The following SRA1 variants were observed in gnomAD, a reference collection of about 807,000 sequenced individuals.
SRA1 encodes lncRNA SRA.
Under a neutral mutation model 24.3 loss-of-function variants are expected in SRA1, and 25 were observed. The ratio of observed to expected loss-of-function variants is 1.03; its 90% confidence interval spans 0.75 to 1.43. The LOEUF is 1.43. Among genes scored for constraint, SRA1 ranks in the 40% most tolerant of loss-of-function variants. The pLI is 0.00. For synonymous variants in SRA1, 104 were observed against 109.5 expected, an observed-to-expected ratio of 0.95 and a Z score of 0.31; for missense variants, 303 against 286.6, an observed-to-expected ratio of 1.06 and a Z score of -0.41.
At chr5:140,553,263 C>G (rs188319082) in intron 2 of SRA1, among the ~76,000 whole-genome samples, 103 of 151,560 alleles carry the variant, frequency 6.8e-4, no homozygotes, top group Non-Finnish European at 1.0e-4. Flanking sequence ...ATCGCTTGAG[C>G]CCAGGAGTTT....
upstream of SRA1, chr5:140,557,556 T>G: frequency 7.3e-7 from 1 of 1,375,578 alleles, no homozygotes; most frequent in Non-Finnish European, 9.8e-7. Context: ...CCGGAATCCG[T>G]GGAGGATGGA....
chr5:140,552,207 A>C, intron 2 of SRA1, 23 bp from the exon 3 acceptor site: 1 of 1,529,692 alleles, frequency 6.5e-7, no homozygotes, highest in African/African-American at 1.4e-5. Context: ...AGCAGGATCA[A>C]GCAACATGGC....
At position 140,550,856 on chromosome 5, in the gene SRA1, A is replaced by C; in HGVS notation, c.519T>G (p.Val173=). Residue 173 remains valine (V), a synonymous_variant, in exon 5 of 5, where the codon GTT becomes GTG. Coordinates refer to ENST00000336283, the MANE Select transcript of SRA1 (RefSeq NM_001035235.4). ...ACTGACTGACCTCAGTCACATGGTCAACCATGAGGGAGCGGTGGATGTCAT... is the reference window on the plus strand; with the variant it reads ...ACTGACTGACCTCAGTCACATGGTCCACCATGAGGGAGCGGTGGATGTCAT... ...AADDIHRSLM[V]DHVTEVSQWM... 1 of 1,614,156 alleles carries C rather than the reference A, an allele frequency of 6.2e-7. No individual in the cohort carries two copies. The highest frequency in any genetic ancestry group is 8.5e-7 in the Non-Finnish European group (1 of 1,180,014).
intron 2 of SRA1, among the ~76,000 whole-genome samples, chr5:140,552,928 A>G (rs935728251): frequency 2.6e-5 from 4 of 152,116 alleles, no homozygotes; most frequent in African/African-American, 4.8e-5. Context: ...AGAGGCAGGG[A>G]AAAAAACACA....
chr5:140,550,552 G>T lies in SRA1; in HGVS notation c.*148C>A, dbSNP rs1361317557. ...GAAATGCATGTTATGAGTAACACAT[G>T]AACTCCCTCTGGCCCAGGTGGGACT... On this transcript the variant is annotated 3_prime_UTR_variant, in exon 5 of 5. Transcript: ENST00000336283. 1 of 711,642 alleles carries T rather than the reference G, an allele frequency of 1.4e-6. No homozygotes were observed. The highest frequency in any genetic ancestry group is 2.5e-6 in the Non-Finnish European group (1 of 402,598). The allele number at this position is 711,642 out of a possible 1,614,324, so 44.1% of individuals were successfully genotyped here.
intron 2 of SRA1, among the ~76,000 whole-genome samples, chr5:140,552,603 A>T (rs1015728646): frequency 1.3e-5 from 2 of 151,652 alleles, no homozygotes; most frequent in Non-Finnish European, 2.9e-5. Context: ...TGGTGAGCTG[A>T]GATGGTGCCA....
intron 2 of SRA1, among the ~76,000 whole-genome samples, chr5:140,556,515 T>C (rs1754700631): frequency 1.3e-5 from 2 of 152,216 alleles, no homozygotes; most frequent in African/African-American, 4.8e-5. Flanking sequence ...GGAATGCTTT[T>C]GTACATGATC....
intron 3 of SRA1, 135 bp from the exon 4 acceptor site, chr5:140,551,304 T>TAG (rs1754555160): frequency 1.6e-6 from 1 of 633,858 alleles, no homozygotes; most frequent in African/African-American, 1.8e-5. Flanking sequence ...ACCCAAAGAT[T>TAG]AGAGGCCCCA....
chr5:140,555,471 G>C (rs2127120647), intron 2 of SRA1, among the ~76,000 whole-genome samples: 1 of 152,102 alleles, frequency 6.6e-6, no homozygotes, highest in Middle Eastern at 3.4e-3. Context: ...GATCTCAGGT[G>C]ATCTGCCCAC....
chr5:140,557,709 G>A (rs1370988870), upstream of SRA1: 2 of 565,268 alleles, frequency 3.5e-6, no homozygotes, highest in Non-Finnish European at 6.2e-6. Context: ...GCTCTAGGAG[G>A]CCTCATCCTC....
chr5:140,557,049 G>A, intron 2 of SRA1, 98 bp downstream of exon 2: 1 of 1,162,418 alleles, frequency 8.6e-7, no homozygotes, highest in East Asian at 2.4e-5. Context: ...TCCTTAAGGA[G>A]CCCTCGGGGA....
At chr5:140,555,512 C>T (rs1434671970) in intron 2 of SRA1, among the ~76,000 whole-genome samples, 3 of 152,154 alleles carry the variant, frequency 2.0e-5, no homozygotes, top group Non-Finnish European at 4.4e-5. Flanking sequence ...GGATTACAGC[C>T]GTGACTCACT....
rs749650589 is a variant in SRA1, at chr5:140,550,837, T to A, written c.538A>T (p.Ser180Cys). The A allele has an allele frequency of 3.1e-6, 5 of 1,614,208 alleles. No individual in the cohort carries two copies. In the East Asian group the frequency reaches 8.9e-5, roughly 29 times the overall value. The change falls in exon 5 of 5, where the codon AGT (serine) becomes TGT (cysteine). Residue 180 changes from serine (S) to cysteine (C), a missense_variant. Transcript: ENST00000336283. ...CTTTTAACTCCTACCATCCACTGAC[T>A]GACCTCAGTCACATGGTCAACCATG... ...SLMVDHVTEV[S>C]QWMVGVKRLI...
At position 140,552,095 on chromosome 5, in the gene SRA1, C is replaced by T; in HGVS notation, c.241G>A (p.Gly81Ser). Reference sequence around the variant, plus strand: ...GTGGGCTCCACGCCAGAGGCAGGACCACTCCCCACAGGTGGGGACCTGGGA... The same window carrying T: ...GTGGGCTCCACGCCAGAGGCAGGACTACTCCCCACAGGTGGGGACCTGGGA... ...KAPRSPPVGSGPASGVEPTSF... is the reference protein window; with the variant it reads ...KAPRSPPVGSSPASGVEPTSF... The change falls in exon 3 of 5, where the codon GGT becomes AGT. Residue 81 changes from glycine (G) to serine (S), a missense_variant. Coordinates refer to ENST00000336283, the MANE Select transcript of SRA1 (RefSeq NM_001035235.4). 1 of 1,613,766 alleles carries T rather than the reference C, an allele frequency of 6.2e-7. No individual in the cohort carries two copies. Among genetic ancestry groups the T allele is most frequent in the South Asian group, 1.1e-5 (1 of 90,948 alleles).
intron 2 of SRA1, 85 bp downstream of exon 2, chr5:140,557,062 G>GA: frequency 7.6e-7 from 1 of 1,318,972 alleles, no homozygotes; most frequent in Non-Finnish European, 1.0e-6. Flanking sequence ...CTCGGGGAGA[G>GA]AAAAAAGCCT....
At chr5:140,557,529 C>T (rs1754762507), upstream of SRA1, 2 of 1,495,040 alleles carry the variant, frequency 1.3e-6, no homozygotes, top group Admixed American at 2.2e-5. Context: ...GAGACACGTC[C>T]AGGGCCAGGC....
chr5:140,557,129 C>G lies in SRA1; in HGVS notation c.151+18G>C. On this transcript the variant is annotated intron_variant, in intron 2 of 4. Coordinates refer to ENST00000336283, the MANE Select transcript of SRA1 (RefSeq NM_001035235.4). ...CCCCCATTCTCCGTCTGTCTCCGAG[C>G]ACAGGGGCCCCACGCACCTCTGGGG... 1 of 1,535,472 alleles carries G rather than the reference C, an allele frequency of 6.5e-7. No individual in the cohort carries two copies. Among genetic ancestry groups the G allele is most frequent in the Non-Finnish European group, 8.8e-7 (1 of 1,130,740 alleles).
Position 140,550,929 on chromosome 5 carries a change from T to C in SRA1, c.464-18A>G. The C allele has an allele frequency of 6.2e-7, 1 of 1,612,002 alleles. No individual in the cohort carries two copies. Among genetic ancestry groups the C allele is most frequent in the African/African-American group, 1.3e-5 (1 of 74,882 alleles). The stretch of plus-strand genomic sequence containing the variant: ...TGAAAGCTCTGAAGAGAGACGGGGG[T>C]TGAGCAAGCAGCCTGTGGTACAAGA... On this transcript the variant is annotated intron_variant, in intron 4 of 4. Coordinates refer to ENST00000336283, the MANE Select transcript of SRA1 (RefSeq NM_001035235.4).
upstream of SRA1, chr5:140,557,562 A>T: frequency 7.8e-7 from 1 of 1,286,554 alleles, no homozygotes; most frequent in Non-Finnish European, 1.1e-6. Context: ...TCCGTGGAGG[A>T]TGGATGCTGG....
Sources: allele counts gnomAD v4.1 joint callset (sites outside exome capture counted in the v4.1 genomes callset), GRCh38; gene constraint gnomAD v4.1.1; transcripts MANE v1.5; gene names NCBI Gene and HGNC (gene_info 2026-07-23, HGNC 2026-07-21).